Variants in PIWIL4 observed in about 807,000 individuals in gnomAD.
PIWIL4 encodes piwi-like protein 4.
PIWIL4 carries 50 observed loss-of-function variants against 100.9 expected under a neutral mutation model. The ratio of observed to expected loss-of-function variants is 0.50; its 90% CI spans 0.39 to 0.63. The LOEUF (loss-of-function observed/expected upper bound fraction) is 0.63, where lower values mean the gene tolerates loss of function less well. Among genes scored for constraint, PIWIL4 ranks in the 20% least tolerant of loss-of-function variants. PIWIL4 has a pLI of 0.00. For synonymous variants in PIWIL4, 342 were observed against 367.5 expected (o/e 0.93, Z 0.79); for missense variants, 887 against 1,043.3 (o/e 0.85, Z 2.06).
chr11:94,599,447 T>C lies in PIWIL4; in HGVS notation c.1380+1532T>C, dbSNP rs183812612. Among the ~76,000 whole-genome samples the C allele has an allele frequency of 1.4e-3, 213 of 152,348 alleles. 1 individual carries two copies. The highest frequency in any genetic ancestry group is 4.8e-3 in the African/African-American group (200 of 41,586). ...AGGAACTGAATGAACTAAAAGTTCA[T>C]AGGACTCAGGGTACATTGTCCTGGG... On this transcript the variant is annotated intron_variant, in intron 11 of 19. Coordinates refer to ENST00000299001, the MANE Select transcript of PIWIL4 (RefSeq NM_152431.3).
chr11:94,585,401 TACTG>T (rs942903102), intron 5 of PIWIL4, 40 bp from the exon 6 acceptor site: 7 of 1,370,428 alleles, frequency 5.1e-6, no homozygotes, highest in Non-Finnish European at 7.2e-6. Flanking sequence ...ATTACACTGT[TACTG>T]ACTGATATTT....
intron 4 of PIWIL4, among the ~76,000 whole-genome samples, chr11:94,581,393 G>A (rs1948315695): frequency 6.6e-6 from 1 of 152,162 alleles, no homozygotes; most frequent in Admixed American, 6.5e-5. Flanking sequence ...GGGAGATATG[G>A]GATTCCTAGG....
intron 2 of PIWIL4, among the ~76,000 whole-genome samples, chr11:94,570,351 T>C (rs1948134222): frequency 6.6e-6 from 1 of 151,972 alleles, no homozygotes; most frequent in Admixed American, 6.5e-5. Context: ...ACCCTCTCCT[T>C]GGTTTATCCA....
intron 10 of PIWIL4, among the ~76,000 whole-genome samples, chr11:94,597,083 C>T (rs1948567869): frequency 6.6e-6 from 1 of 152,200 alleles, no homozygotes; most frequent in Admixed American, 6.5e-5. Flanking sequence ...TGAGCTAAAA[C>T]ATCAACTATG....
At chr11:94,610,441 T>C (rs1247187027) in intron 15 of PIWIL4, among the ~76,000 whole-genome samples, 4 of 152,172 alleles carry the variant, frequency 2.6e-5, no homozygotes, top group African/African-American at 9.7e-5. Flanking sequence ...CCATAATGGC[T>C]ATGCTAATTT....
Position 94,595,355 on chromosome 11 carries a change from G to C in PIWIL4, c.1197G>C (p.Val399=), listed in dbSNP as rs1186277450. The C allele has an allele frequency of 6.2e-7, 1 of 1,613,918 alleles. No homozygotes were observed. The highest frequency in any genetic ancestry group is 8.5e-7 in the Non-Finnish European group (1 of 1,179,912). ...CTGATTTCCAGCTGATGAAGGCTGT[G>C]GCTGAAAAGACACGTCTCAGTCCTT... is the stretch of plus-strand genomic sequence containing the variant. ...ATSDFQLMKA[V]AEKTRLSPSG... is the part of the protein sequence containing the mutation. Residue 399 remains valine (V), a synonymous_variant, in exon 10 of 20, where the codon GTG becomes GTC. Coordinates refer to ENST00000299001, the MANE Select transcript of PIWIL4 (RefSeq NM_152431.3).
intron 7 of PIWIL4, among the ~76,000 whole-genome samples, chr11:94,587,685 G>T (rs1000748945): frequency 6.6e-6 from 1 of 152,170 alleles, no homozygotes; most frequent in Non-Finnish European, 1.5e-5. Flanking sequence ...CCTGGGCGGC[G>T]CCCATAGCAC....
At chr11:94,586,641 C>T (rs921855629) in intron 6 of PIWIL4, among the ~76,000 whole-genome samples, 2 of 152,138 alleles carry the variant, frequency 1.3e-5, no homozygotes, top group Non-Finnish European at 2.9e-5. Flanking sequence ...CAGGCAGGGA[C>T]ATTTCCCCCC....
rs778176602 is a variant in PIWIL4 at position 94,616,567 on chromosome 11, C to A, written c.2014+4C>A. 2 of 1,599,844 alleles carry A rather than the reference C, an allele frequency of 1.3e-6. No individual in the cohort carries two copies. The highest frequency in any genetic ancestry group is 1.1e-5 in the South Asian group (1 of 88,716). ...TGCTTGAAAGTTTTCATGACTGGTACTAAAAATATAGCAATGTGGGTGGGC... is the reference window on the plus strand; with the variant it reads ...TGCTTGAAAGTTTTCATGACTGGTAATAAAAATATAGCAATGTGGGTGGGC... On this transcript the variant is annotated splice_donor_region_variant and intron_variant, in intron 16 of 19. Coordinates refer to ENST00000299001, the MANE Select transcript of PIWIL4 (RefSeq NM_152431.3).
Position 94,575,005 on chromosome 11 carries a change from A to T in PIWIL4, c.173A>T (p.Tyr58Phe), listed in dbSNP as rs755274736. The change falls in exon 3 of 20, where the codon TAT becomes TTT. Residue 58 changes from tyrosine to phenylalanine, a missense_variant. Coordinates refer to ENST00000299001, the MANE Select transcript of PIWIL4 (RefSeq NM_152431.3). Reference sequence around the variant, plus strand: ...CATTCTCTTCATGTTTTAGATAAATATGGGATATCTTCTGGTGATGCTGGA... The same window carrying T: ...CATTCTCTTCATGTTTTAGATAAATTTGGGATATCTTCTGGTGATGCTGGA... ...GTSRISTNDKYGISSGDAGST... is the reference protein window; with the variant it reads ...GTSRISTNDKFGISSGDAGST... The T allele has an allele frequency of 7.4e-6, 12 of 1,612,064 alleles. No individual in the cohort carries two copies. The highest frequency in any genetic ancestry group is 1.0e-5 in the Non-Finnish European group (12 of 1,178,364).
At chr11:94,575,655 G>T (rs1281985908) in intron 3 of PIWIL4, among the ~76,000 whole-genome samples, 1 of 152,148 alleles carries the variant, frequency 6.6e-6, no homozygotes, top group Non-Finnish European at 1.5e-5. Context: ...ACCAAAATAA[G>T]AAATATATTA....
intron 17 of PIWIL4, 51 bp from the exon 18 acceptor site, chr11:94,619,709 C>G (rs1224659534): frequency 6.5e-7 from 1 of 1,548,750 alleles, no homozygotes; most frequent in Non-Finnish European, 8.7e-7. Flanking sequence ...AAATAGAAAG[C>G]TATATAGATT....
chr11:94,596,342 A>G (rs1317152114), intron 10 of PIWIL4, among the ~76,000 whole-genome samples: 2 of 151,802 alleles, frequency 1.3e-5, no homozygotes, highest in African/African-American at 4.8e-5. Flanking sequence ...GAGAGAAAAG[A>G]GTGTGTATGT....
chr11:94,574,365 A>T (rs1948206855), intron 2 of PIWIL4, among the ~76,000 whole-genome samples: 1 of 152,214 alleles, frequency 6.6e-6, no homozygotes, highest in African/African-American at 2.4e-5. Flanking sequence ...GTAATCCTTC[A>T]GGGTGTTACA....
chr11:94,569,309 A>C (rs535996080), intron 2 of PIWIL4, among the ~76,000 whole-genome samples: 55 of 152,330 alleles, frequency 3.6e-4, no homozygotes, highest in African/African-American at 1.3e-3. Flanking sequence ...CAGCCATAAA[A>C]AGAATGAAAG....
At chr11:94,574,267 T>C (rs1436048472) in intron 2 of PIWIL4, among the ~76,000 whole-genome samples, 1 of 152,202 alleles carries the variant, frequency 6.6e-6, no homozygotes, top group East Asian at 1.9e-4. Context: ...CTGATGGCAA[T>C]GTTCTGGGCA....
intron 12 of PIWIL4, among the ~76,000 whole-genome samples, chr11:94,602,343 T>C (rs556251178): frequency 7.2e-5 from 11 of 152,340 alleles, no homozygotes; most frequent in African/African-American, 2.6e-4. Flanking sequence ...GAAATGGATA[T>C]TAAAAAACAG....
chr11:94,593,957 T>G (rs1205603584), intron 9 of PIWIL4, among the ~76,000 whole-genome samples: 5 of 152,178 alleles, frequency 3.3e-5, no homozygotes, highest in Non-Finnish European at 7.3e-5. Flanking sequence ...GGTGTATCAG[T>G]AGAGTGGTGC....
intron 7 of PIWIL4, among the ~76,000 whole-genome samples, chr11:94,588,685 G>A (rs1032381522): frequency 1.1e-4 from 16 of 152,196 alleles, no homozygotes; most frequent in African/African-American, 3.9e-4. Context: ...TAAGCAAGAT[G>A]CCAGCATTGT....
Sources: allele counts gnomAD v4.1 joint callset (sites outside exome capture counted in the v4.1 genomes callset), GRCh38; gene constraint gnomAD v4.1.1; transcripts MANE v1.5; gene names NCBI Gene and HGNC (gene_info 2026-07-23, HGNC 2026-07-21).